Variants in NRXN1 observed in about 807,000 individuals in gnomAD.
NRXN1 encodes the protein neurexin 1.
Under a neutral mutation model 150.9 loss-of-function variants are expected in NRXN1, and 39 were observed. That is an observed-to-expected ratio of 0.26 (90% CI 0.20 to 0.34). The LOEUF is 0.34. Ranked by LOEUF, NRXN1 falls within the 10% of genes least tolerant of loss-of-function variation. The probability of loss-of-function intolerance (pLI) is 1.00; values close to 1 mark genes in which losing one functional copy is unlikely to be tolerated. For missense variants in NRXN1, 1,815 were observed against 1,949.9 expected (o/e 0.93, Z 1.30); for synonymous variants, 924 against 757.0 (o/e 1.22, Z -3.62).
At chr2:50,384,030 C>T (rs1350097516) in intron 17 of NRXN1, among the ~76,000 whole-genome samples, 3 of 152,176 alleles carry the variant, frequency 2.0e-5, no homozygotes, top group Non-Finnish European at 4.4e-5. Context: ...AAGGAGAAAC[C>T]TTCTCTCCAT....
chr2:50,850,755 C>T (rs1027550864), intron 5 of NRXN1, among the ~76,000 whole-genome samples: 3 of 149,998 alleles, frequency 2.0e-5, no homozygotes, highest in South Asian at 2.1e-4. Context: ...TTTTTTTTTC[C>T]ACACATTTGA....
chr2:50,611,020 A>G (rs1447162098), intron 8 of NRXN1, among the ~76,000 whole-genome samples: 1 of 149,784 alleles, frequency 6.7e-6, no homozygotes, highest in African/African-American at 2.5e-5. Context: ...TGCTGGGACT[A>G]CAGGCATGAG....
chr2:50,276,916 T>A (rs1369598298), intron 17 of NRXN1, among the ~76,000 whole-genome samples: 1 of 152,158 alleles, frequency 6.6e-6, no homozygotes, highest in Non-Finnish European at 1.5e-5. Flanking sequence ...GCCATTTCAA[T>A]CCAATATAGT....
At chr2:50,929,963 C>A (rs1687497754) in intron 2 of NRXN1, among the ~76,000 whole-genome samples, 1 of 151,954 alleles carries the variant, frequency 6.6e-6, no homozygotes, top group Non-Finnish European at 1.5e-5. Context: ...GAAATGCGGC[C>A]CAGAACCAAG....
At chr2:50,661,468 G>A (rs1238676059) in intron 5 of NRXN1, among the ~76,000 whole-genome samples, 1 of 152,030 alleles carries the variant, frequency 6.6e-6, no homozygotes, top group Non-Finnish European at 1.5e-5. Context: ...CATAAATAGT[G>A]ATTTCCTCTG....
intron 15 of NRXN1, among the ~76,000 whole-genome samples, chr2:50,488,484 G>C (rs766456379): frequency 6.6e-6 from 1 of 152,178 alleles, no homozygotes; most frequent in Non-Finnish European, 1.5e-5. Context: ...AATGATCCTT[G>C]GGCAGCTTTT....
intron 5 of NRXN1, among the ~76,000 whole-genome samples, chr2:50,827,129 G>A (rs893661235): frequency 6.6e-5 from 10 of 152,192 alleles, no homozygotes; most frequent in South Asian, 2.1e-4. Flanking sequence ...TGGATTTGGC[G>A]CATAGTGACC....
intron 22 of NRXN1, among the ~76,000 whole-genome samples, chr2:49,925,630 TG>T (rs986066429): frequency 1.3e-5 from 2 of 152,302 alleles, no homozygotes; most frequent in African/African-American, 4.8e-5. Flanking sequence ...TTAAGAATTT[TG>T]CATTCCCTCT....
intron 13 of NRXN1, among the ~76,000 whole-genome samples, chr2:50,499,524 C>T (rs1487672549): frequency 1.3e-5 from 2 of 152,010 alleles, no homozygotes; most frequent in Non-Finnish European, 1.5e-5. Context: ...TCAATGACCT[C>T]AATATTGTTC....
At chr2:50,258,492 T>A (rs992415418) in intron 17 of NRXN1, among the ~76,000 whole-genome samples, 2 of 152,024 alleles carry the variant, frequency 1.3e-5, no homozygotes, top group Admixed American at 1.3e-4. Context: ...TAGTTTTAGT[T>A]CTCTTGCTAT....
At chr2:50,770,351 G>T (rs931665401) in intron 5 of NRXN1, among the ~76,000 whole-genome samples, 1 of 151,506 alleles carries the variant, frequency 6.6e-6, no homozygotes. Context: ...TATGATAGAT[G>T]ATAGATAGAT....
chr2:50,787,636 A>G (rs1705322956), intron 5 of NRXN1, among the ~76,000 whole-genome samples: 1 of 151,900 alleles, frequency 6.6e-6, no homozygotes. Context: ...CCTTTAACCT[A>G]AGTTACCAAG....
intron 5 of NRXN1, among the ~76,000 whole-genome samples, chr2:50,730,294 T>C (rs1697929665): frequency 6.6e-6 from 1 of 152,202 alleles, no homozygotes; most frequent in Admixed American, 6.5e-5. Context: ...TCGGCCTGAC[T>C]GGCACTGTGA....
intron 5 of NRXN1, chr2:50,829,548 G>A (rs1296282381): frequency 1.9e-6 from 3 of 1,611,338 alleles, no homozygotes; most frequent in Non-Finnish European, 2.5e-6. Context: ...AGGGATCTTA[G>A]GAGGGGTTTT....
chr2:50,408,562 T>C (rs566590803), intron 17 of NRXN1, among the ~76,000 whole-genome samples: 1 of 152,314 alleles, frequency 6.6e-6, no homozygotes, highest in South Asian at 2.1e-4. Flanking sequence ...AAGAATGACA[T>C]GATGTAGCAT....
Position 50,082,517 on chromosome 2 carries a change from A to C in NRXN1, c.3718+8806T>G. On this transcript the variant is annotated intron_variant, in intron 19 of 22. Coordinates refer to ENST00000401669, the MANE Select transcript of NRXN1 (RefSeq NM_001330078.2). ...TTCTTAAACACAGTAATGATTAATA[A>C]ACATTTCTCAATTTGATTTGATGGG... Among the ~76,000 whole-genome samples, 2 of 152,212 alleles carry C rather than the reference A, an allele frequency of 1.3e-5. 1 individual carries two copies. The highest frequency in any genetic ancestry group is 2.9e-5 in the Non-Finnish European group (2 of 68,028).
intron 17 of NRXN1, among the ~76,000 whole-genome samples, chr2:50,301,239 C>T (rs748434115): frequency 6.6e-6 from 1 of 152,156 alleles, no homozygotes; most frequent in Non-Finnish European, 1.5e-5. Flanking sequence ...ATAGCCCTTA[C>T]CATGTGCCAG....
intron 8 of NRXN1, among the ~76,000 whole-genome samples, chr2:50,613,695 T>C (rs1205685389): frequency 2.0e-5 from 3 of 152,136 alleles, no homozygotes; most frequent in African/African-American, 7.2e-5. Flanking sequence ...TCCCAGCACT[T>C]TGGGAGGCCC....
intron 17 of NRXN1, among the ~76,000 whole-genome samples, chr2:50,308,081 G>C (rs773630029): frequency 6.6e-6 from 1 of 152,096 alleles, no homozygotes; most frequent in African/African-American, 2.4e-5. Flanking sequence ...ACCAGTTACG[G>C]TTACCTTTTT....
Sources: allele counts gnomAD v4.1 joint callset (sites outside exome capture counted in the v4.1 genomes callset), GRCh38; gene constraint gnomAD v4.1.1; transcripts MANE v1.5; gene names NCBI Gene and HGNC (gene_info 2026-07-23, HGNC 2026-07-21).